UNC79: variants seen among roughly 807,000 people sequenced by gnomAD.
UNC79 encodes protein unc-79 homolog.
In UNC79, 37 loss-of-function variants were observed where a neutral mutation model predicts 283.1. The ratio of observed to expected loss-of-function variants is 0.13; its 90% CI spans 0.10 to 0.17. The LOEUF is 0.17. Ranked by LOEUF, UNC79 falls within the 10% of genes least tolerant of loss-of-function variation. The pLI, the probability that UNC79 is intolerant of heterozygous loss-of-function variation, is 1.00. For missense variants in UNC79, 2,272 were observed against 3,211.1 expected (o/e 0.71, Z 7.07); for synonymous variants, 1,107 against 1,200.2 (o/e 0.92, Z 1.61).
At chr14:93,471,975 T>C (rs1382087845) in intron 2 of UNC79, among the ~76,000 whole-genome samples, 1 of 152,150 alleles carries the variant, frequency 6.6e-6, no homozygotes, top group Non-Finnish European at 1.5e-5. Context: ...AAATAATGTG[T>C]TTATTTCCCC....
intron 7 of UNC79, 119 bp downstream of exon 7, chr14:93,497,405 G>A: frequency 7.7e-7 from 1 of 1,299,198 alleles, no homozygotes; most frequent in Non-Finnish European, 1.0e-6. Flanking sequence ...CTTTGGACAT[G>A]GTCATAAATC....
intron 41 of UNC79, among the ~76,000 whole-genome samples, chr14:93,676,135 C>T (rs971772511): frequency 6.6e-6 from 1 of 152,206 alleles, no homozygotes; most frequent in Non-Finnish European, 1.5e-5. Context: ...TAGCTCACTG[C>T]AACCTCTGCC....
At chr14:93,660,547 ATATATATATATATATATGTGTGTG>A (rs1442112901) in intron 39 of UNC79, among the ~76,000 whole-genome samples, 1 of 119,002 alleles carries the variant, frequency 8.4e-6, no homozygotes, top group African/African-American at 3.9e-5. Flanking sequence ...ATATATATAT[ATATATATATATATATATGTGTGTG>A]TGTGTGTGTT....
chr14:93,560,507 T>C (rs10151327), intron 14 of UNC79, among the ~76,000 whole-genome samples: 131,471 of 152,116 alleles, frequency 0.86, 56,905 homozygotes, highest in East Asian at 0.94. Context: ...AAGGTCGTGA[T>C]AGAGGTTGAA....
At chr14:93,608,384 A>G (rs1454716705) in intron 26 of UNC79, among the ~76,000 whole-genome samples, 2 of 152,216 alleles carry the variant, frequency 1.3e-5, no homozygotes, top group African/African-American at 2.4e-5. Flanking sequence ...GGAAGGTCTC[A>G]TGGACAGGTG....
intron 7 of UNC79, among the ~76,000 whole-genome samples, chr14:93,497,927 A>G (rs2059093011): frequency 6.6e-6 from 1 of 151,980 alleles, no homozygotes; most frequent in African/African-American, 2.4e-5. Flanking sequence ...CGTAAATTGC[A>G]ATGGGCCAAG....
chr14:93,500,698 T>C (rs1356093243), intron 7 of UNC79, among the ~76,000 whole-genome samples: 1 of 152,190 alleles, frequency 6.6e-6, no homozygotes, highest in Non-Finnish European at 1.5e-5. Context: ...GAGTGGGACA[T>C]AGAGTTTAAG....
At chr14:93,508,204 G>GAA (rs113575263) in intron 7 of UNC79, among the ~76,000 whole-genome samples, 2 of 124,662 alleles carry the variant, frequency 1.6e-5, no homozygotes, top group African/African-American at 2.9e-5. Flanking sequence ...AATTTCTGTC[G>GAA]AAAAAAAAAA....
At chr14:93,368,524 G>A (rs1394998911) in intron 1 of UNC79, among the ~76,000 whole-genome samples, 1 of 152,058 alleles carries the variant, frequency 6.6e-6, no homozygotes, top group Non-Finnish European at 1.5e-5. Flanking sequence ...CCAGGCTGGA[G>A]TGCAGTAGGA....
chr14:93,460,632 C>A (rs1347878625), intron 1 of UNC79, among the ~76,000 whole-genome samples: 1 of 151,908 alleles, frequency 6.6e-6, no homozygotes, highest in East Asian at 1.9e-4. Flanking sequence ...TTCTGAAGGA[C>A]GATTTCTTAA....
At chr14:93,370,151 A>C (rs560233405) in intron 1 of UNC79, among the ~76,000 whole-genome samples, 1 of 152,202 alleles carries the variant, frequency 6.6e-6, no homozygotes, top group African/African-American at 2.4e-5. Context: ...ATATCCGGCT[A>C]TCAAGAAAAA....
intron 7 of UNC79, among the ~76,000 whole-genome samples, chr14:93,522,790 C>A (rs887826940): frequency 6.6e-6 from 1 of 151,936 alleles, no homozygotes; most frequent in Non-Finnish European, 1.5e-5. Context: ...AATAAATAGA[C>A]CTGTTGTATA....
At chr14:93,622,288 A>C (rs920951796) in exon 30 of UNC79, 3 of 1,614,024 alleles carry the variant, frequency 1.9e-6, no homozygotes, top group Non-Finnish European at 2.5e-6. Context: ...CTCCGCTTGT[A>C]CAAGTAAGTG....
chr14:93,497,108 C>G lies in UNC79; in HGVS notation c.769-49C>G. The G allele has an allele frequency of 3.2e-6, 5 of 1,573,206 alleles. No homozygotes were observed. The South Asian group carries it at 5.9e-5, about 19-fold the overall frequency. ...TGGTAATGTTGAAGTCTCTACCTTT[C>G]TTTTTATTTCATGATGCTAAGTCAA... On this transcript the variant is annotated intron_variant, in intron 6 of 48. Transcript: ENST00000555664.
chr14:93,651,565 T>A (rs868425777), intron 35 of UNC79, among the ~76,000 whole-genome samples: 5 of 152,352 alleles, frequency 3.3e-5, no homozygotes, highest in African/African-American at 9.6e-5. Context: ...CAACTTTTTG[T>A]TGCTGATATC....
chr14:93,527,756 A>G (rs1387405025), intron 8 of UNC79, among the ~76,000 whole-genome samples: 1 of 152,240 alleles, frequency 6.6e-6, no homozygotes, highest in Non-Finnish European at 1.5e-5. Flanking sequence ...ACAGAATTCA[A>G]AATGGCTTTT....
At chr14:93,377,159 C>T (rs548108858) in intron 1 of UNC79, among the ~76,000 whole-genome samples, 9 of 145,132 alleles carry the variant, frequency 6.2e-5, no homozygotes, top group Non-Finnish European at 9.0e-5. Context: ...AGTGCAGTGG[C>T]GCTATCTGCA....
intron 1 of UNC79, among the ~76,000 whole-genome samples, chr14:93,335,496 T>C (rs971035286): frequency 2.1e-4 from 32 of 152,234 alleles, no homozygotes; most frequent in African/African-American, 7.7e-4. Context: ...TTAAGGCTAG[T>C]GTTAAGATGG....
chr14:93,498,778 A>G (rs2059148037), intron 7 of UNC79, among the ~76,000 whole-genome samples: 3 of 152,158 alleles, frequency 2.0e-5, no homozygotes, highest in African/African-American at 7.2e-5. Flanking sequence ...TTGTTTATGT[A>G]TATATATTAT....
Sources: gnomAD v4.1 joint callset for allele counts (sites outside exome capture counted in the v4.1 genomes callset) on GRCh38, gnomAD v4.1.1 for gene constraint, MANE v1.5 for transcripts, NCBI Gene and HGNC (gene_info 2026-07-23, HGNC 2026-07-21) for gene names.